The following CAPRIN2 variants were observed in gnomAD, a reference collection of about 807,000 sequenced individuals.
CAPRIN2 encodes the protein caprin-2.
In CAPRIN2, 66 loss-of-function variants were observed where a neutral mutation model predicts 130.4. That is an observed-to-expected ratio of 0.51 (90% CI 0.42 to 0.62). The LOEUF (loss-of-function observed/expected upper bound fraction) is 0.62, where lower values mean the gene tolerates loss of function less well. CAPRIN2 is among the 20% of genes least tolerant of loss of function. The probability of loss-of-function intolerance (pLI) is 0.00; values close to 1 mark genes in which losing one functional copy is unlikely to be tolerated. For missense variants in CAPRIN2, 1,185 were observed against 1,246.6 expected (o/e 0.95, Z 0.74); for synonymous variants, 471 against 444.1 (o/e 1.06, Z -0.76).
chr12:30,734,909 C>T (rs1030675870), intron 4 of CAPRIN2, 59 bp downstream of exon 5: 4 of 1,069,834 alleles, frequency 3.7e-6, no homozygotes, highest in Admixed American at 3.4e-5. Context: ...CATACACACA[C>T]CCCTAAAAAG....
chr12:30,728,867 G>T, exon 8 of CAPRIN2: 1 of 1,614,062 alleles, frequency 6.2e-7, no homozygotes, highest in Non-Finnish European at 8.5e-7. Context: ...TGTTCTGTTC[G>T]CTCTGCATGG....
intron 15 of CAPRIN2, among the ~76,000 whole-genome samples, chr12:30,713,523 G>A (rs1184484822): frequency 6.6e-6 from 1 of 152,198 alleles, no homozygotes; most frequent in African/African-American, 2.4e-5. Context: ...TGAGGTGGAA[G>A]AGCAAATGAG....
intron 4 of CAPRIN2, among the ~76,000 whole-genome samples, chr12:30,734,028 G>C (rs2063601253): frequency 6.6e-6 from 1 of 152,130 alleles, no homozygotes; most frequent in African/African-American, 2.4e-5. Flanking sequence ...CTACATAAAA[G>C]AACAGTGAAA....
chr12:30,751,909 ATTTTTTTTTTTTTTT>A (rs574883707), intron 1 of CAPRIN2, among the ~76,000 whole-genome samples: 2 of 87,872 alleles, frequency 2.3e-5, no homozygotes, highest in African/African-American at 7.4e-5. Flanking sequence ...CCACTATGGT[ATTTTTTTTTTTTTTT>A]TTTTTTTTTT....
In CAPRIN2 at chr12:30,752,327, T is replaced by C. The variant is rs370904321; in HGVS notation, c.420+1017A>G. Among the ~76,000 whole-genome samples the C allele has an allele frequency of 3.3e-5, 5 of 152,242 alleles. No homozygotes were observed. In the South Asian group the frequency reaches 6.2e-4, roughly 19 times the overall value. On this transcript the variant is annotated intron_variant, in intron 1 of 16. Transcript: ENST00000298892. The stretch of plus-strand genomic sequence containing the variant: ...ACAAAAGTACTCGTACTATCTGGTA[T>C]TCAAAATTAAAGAGGTACTATAGGT...
At position 30,731,378 on chromosome 12, in the gene CAPRIN2, G is replaced by GT; in HGVS notation, c.1024dup (p.Thr342AsnfsTer7). 1 of 1,612,716 alleles carries GT rather than the reference G, an allele frequency of 6.2e-7. No individual in the cohort carries two copies. The highest frequency in any genetic ancestry group is 8.5e-7 in the Non-Finnish European group (1 of 1,179,152). On this transcript the variant is annotated frameshift_variant, in exon 6 of 17. Coordinates refer to ENST00000298892, the Ensembl canonical transcript of CAPRIN2. LOFTEE classifies it high-confidence loss of function. ...GACAGATTCAGTCTTCGATAATTGT[G>GT]TTTTTTTCTCTGATTGTATTAGCAT...
chr12:30,732,219 AC>A (rs947421647), intron 5 of CAPRIN2, among the ~76,000 whole-genome samples: 1 of 152,036 alleles, frequency 6.6e-6, no homozygotes, highest in Non-Finnish European at 1.5e-5. Context: ...TGAGGTCACT[AC>A]ACTACAAATA....
At chr12:30,748,347 A>C (rs1358434617) in intron 2 of CAPRIN2, among the ~76,000 whole-genome samples, 1 of 152,230 alleles carries the variant, frequency 6.6e-6, no homozygotes, top group Non-Finnish European at 1.5e-5. Flanking sequence ...CTGATCTGTC[A>C]GCAGTAATCA....
chr12:30,723,159 T>C, intron 11 of CAPRIN2, 100 bp downstream of exon 12: 1 of 810,910 alleles, frequency 1.2e-6, no homozygotes, highest in Non-Finnish European at 2.1e-6. Context: ...TTTTAATAAT[T>C]TCATTAGGTA....
intron 2 of CAPRIN2, among the ~76,000 whole-genome samples, chr12:30,748,354 A>G (rs2139680945): frequency 6.6e-6 from 1 of 152,340 alleles, no homozygotes; most frequent in Non-Finnish European, 1.5e-5. Flanking sequence ...GTCAGCAGTA[A>G]TCAACACTGA....
chr12:30,744,065 G>T (rs530625913), intron 2 of CAPRIN2, among the ~76,000 whole-genome samples: 39 of 152,206 alleles, frequency 2.6e-4, no homozygotes, highest in African/African-American at 8.4e-4. Context: ...TTAATAAATG[G>T]TTTTGCCATC....
chr12:30,725,842 G>C, intron 9 of CAPRIN2, 124 bp downstream of exon 10: 1 of 725,144 alleles, frequency 1.4e-6, no homozygotes, highest in East Asian at 3.3e-5. Flanking sequence ...CTCCAGGCTA[G>C]GAGAGCTAGG....
At chr12:30,753,257 G>C in intron 1 of CAPRIN2, 87 bp downstream of exon 2, 1 of 1,121,184 alleles carries the variant, frequency 8.9e-7, no homozygotes, top group South Asian at 1.6e-5. Flanking sequence ...ATTTTTAGTA[G>C]AGAACACCTA....
At chr12:30,725,369 GGTAA>G (rs1217461749) in intron 9 of CAPRIN2, among the ~76,000 whole-genome samples, 2 of 152,072 alleles carry the variant, frequency 1.3e-5, no homozygotes, top group Non-Finnish European at 2.9e-5. Context: ...ATAAACAGCT[GGTAA>G]GTAACAGAAT....
In CAPRIN2 at chr12:30,733,714, G is replaced by A. The variant is rs374294149; in HGVS notation, c.810-3C>T. 1.9e-6 allele frequency: 3 copies of A among 1,611,330 alleles called. No homozygotes were observed. The highest frequency in any genetic ancestry group is 2.5e-6 in the Non-Finnish European group (3 of 1,177,690). On this transcript the variant is annotated splice_region_variant and splice_polypyrimidine_tract_variant and intron_variant, in intron 4 of 16. Transcript: ENST00000298892. ...ACTGCTCCATCTGGTCTTCAACACT[G>A]ACAAGGAAAAGCAGCAGCAGAACAA...
At chr12:30,754,899 C>A (rs1319104674), upstream of CAPRIN2, 1 of 152,324 alleles carries the variant, frequency 6.6e-6, no homozygotes, top group Non-Finnish European at 1.5e-5. Flanking sequence ...CCGGTCCTCG[C>A]CCGCGGCCTC....
chr12:30,730,258 G>A (rs1487080578), exon 7 of CAPRIN2: 2 of 1,611,332 alleles, frequency 1.2e-6, no homozygotes, highest in Non-Finnish European at 8.5e-7. Context: ...TTGTATCTCT[G>A]GCTGGGCAAA....
chr12:30,724,559 A>T (rs1215985363), intron 9 of CAPRIN2, 108 bp from the exon 11 acceptor site: 1 of 730,504 alleles, frequency 1.4e-6, no homozygotes, highest in African/African-American at 1.8e-5. Flanking sequence ...CTACACATAA[A>T]TATCTAGCTA....
chr12:30,712,733 C>CTTTTTTTTTTTTTTTTTTTTT (rs754373140), intron 15 of CAPRIN2, among the ~76,000 whole-genome samples: 1 of 107,292 alleles, frequency 9.3e-6, no homozygotes, highest in Non-Finnish European at 1.8e-5. Flanking sequence ...GTTTTCCACT[C>CTTTTTTTTTTTTTTTTTTTTT]TTTTTTTTTT....
Sources: allele counts gnomAD v4.1 joint callset (sites outside exome capture counted in the v4.1 genomes callset), GRCh38; gene constraint gnomAD v4.1.1; transcripts MANE v1.5; gene names NCBI Gene and HGNC (gene_info 2026-07-23, HGNC 2026-07-21).